Variants in DACH1 observed in about 807,000 individuals in gnomAD.
The protein encoded by DACH1 is dachshund homolog 1.
Under a neutral mutation model 54.2 loss-of-function variants are expected in DACH1, and 12 were observed. That is an observed-to-expected ratio of 0.22 (90% CI 0.14 to 0.36). DACH1 has a LOEUF of 0.36. Ranked by LOEUF, DACH1 falls within the 10% of genes least tolerant of loss-of-function variation. The pLI is 1.00. For synonymous variants in DACH1, 386 were observed against 366.2 expected, an observed-to-expected ratio of 1.05 and a Z score of -0.62; for missense variants, 805 against 929.8, an observed-to-expected ratio of 0.87 and a Z score of 1.75.
Position 71,489,116 on chromosome 13 carries a change from C to A in DACH1, c.1603G>T (p.Asp535Tyr), listed in dbSNP as rs201634316. 6 of 1,613,480 alleles carry A rather than the reference C, an allele frequency of 3.7e-6. No homozygotes were observed. Among genetic ancestry groups the A allele is most frequent in the Non-Finnish European group, 5.1e-6 (6 of 1,179,730 alleles). ...ETPLSTPTAR[D>Y]SLDKLSLTGH... is the part of the protein sequence containing the mutation. ...GTTAGAGAGAGTTTGTCAAGGCTGT[C>A]TCTTGCGGTTGGTGTAGAAAGCGGG... Residue 535 changes from aspartate (D) to tyrosine (Y), a missense_variant, in exon 7 of 11, where the codon GAC (aspartate) becomes TAC (tyrosine). Physicochemically the swap from Asp to Tyr is radical, Grantham distance 160 (BLOSUM62 -3). Around this residue, in one of 3 missense-constraint regions of DACH1, gnomAD observed 472 missense variants for 545.3 expected, o/e 0.87. Transcript: ENST00000613252.
intron 6 of DACH1, among the ~76,000 whole-genome samples, chr13:71,551,566 G>A (rs1444237008): frequency 6.6e-6 from 1 of 151,940 alleles, no homozygotes; most frequent in East Asian, 1.9e-4. Context: ...TCTGTACTTG[G>A]CTTATCTCAC....
chr13:71,483,624 G>C (rs1878247804), intron 7 of DACH1, among the ~76,000 whole-genome samples: 1 of 149,500 alleles, frequency 6.7e-6, no homozygotes, highest in Admixed American at 6.7e-5. Flanking sequence ...AAAATATATT[G>C]AAAAGTAAAG....
intron 6 of DACH1, among the ~76,000 whole-genome samples, chr13:71,491,224 A>G (rs1260528767): frequency 1.3e-5 from 2 of 152,202 alleles, no homozygotes; most frequent in African/African-American, 4.8e-5. Flanking sequence ...CTAAAAACAC[A>G]AACAGAAAGC....
chr13:71,762,723 C>T (rs1024713817), intron 1 of DACH1, among the ~76,000 whole-genome samples: 1 of 132,476 alleles, frequency 7.5e-6, no homozygotes, highest in African/African-American at 2.8e-5. Flanking sequence ...GCTGAGATTG[C>T]GCTGTTGCAC....
intron 2 of DACH1, among the ~76,000 whole-genome samples, chr13:71,640,552 C>T (rs1172952492): frequency 6.6e-6 from 1 of 152,016 alleles, no homozygotes; most frequent in Non-Finnish European, 1.5e-5. Flanking sequence ...ATTGAACTGA[C>T]ATGCCTTGAC....
At chr13:71,751,553 C>T (rs562109684) in intron 1 of DACH1, among the ~76,000 whole-genome samples, 7 of 152,254 alleles carry the variant, frequency 4.6e-5, no homozygotes, top group Non-Finnish European at 7.4e-5. Flanking sequence ...TTACATCTTA[C>T]ATGTTGATTC....
chr13:71,696,234 C>T (rs1881825512), intron 1 of DACH1, among the ~76,000 whole-genome samples: 1 of 152,078 alleles, frequency 6.6e-6, no homozygotes, highest in African/African-American at 2.4e-5. Context: ...TTTAAGAAAT[C>T]ATGAGATCTA....
intron 1 of DACH1, among the ~76,000 whole-genome samples, chr13:71,830,864 C>G (rs1214498811): frequency 2.6e-5 from 4 of 151,866 alleles, no homozygotes; most frequent in Non-Finnish European, 5.9e-5. Context: ...CTGTTTCTCT[C>G]TACTCTAAGT....
At chr13:71,723,844 C>T (rs1268274684) in intron 1 of DACH1, among the ~76,000 whole-genome samples, 1 of 152,066 alleles carries the variant, frequency 6.6e-6, no homozygotes, top group South Asian at 2.1e-4. Context: ...GCAAGTGCCA[C>T]CATACCAAGC....
At chr13:71,503,069 C>T (rs148970806) in intron 6 of DACH1, among the ~76,000 whole-genome samples, 2 of 152,300 alleles carry the variant, frequency 1.3e-5, no homozygotes, top group African/African-American at 4.8e-5. Context: ...TCTCTTGGGA[C>T]AGGCAGCACC....
chr13:71,785,491 T>C (rs1886554358), intron 1 of DACH1, among the ~76,000 whole-genome samples: 1 of 152,232 alleles, frequency 6.6e-6, no homozygotes, highest in Non-Finnish European at 1.5e-5. Flanking sequence ...AGGCAAGGCC[T>C]AGGCTTCCTG....
intron 10 of DACH1, among the ~76,000 whole-genome samples, chr13:71,462,934 T>C (rs1876224559): frequency 6.6e-6 from 1 of 151,482 alleles, no homozygotes; most frequent in Non-Finnish European, 1.5e-5. Flanking sequence ...TGAATACATA[T>C]GCGTGTGTGT....
chr13:71,728,480 A>G (rs939973451), intron 1 of DACH1, among the ~76,000 whole-genome samples: 39 of 152,002 alleles, frequency 2.6e-4, no homozygotes, highest in African/African-American at 7.2e-4. Flanking sequence ...TTCACTTTAC[A>G]AAAACTGTGC....
At chr13:71,544,219 T>A (rs1364306748) in intron 6 of DACH1, among the ~76,000 whole-genome samples, 1 of 152,104 alleles carries the variant, frequency 6.6e-6, no homozygotes, top group African/African-American at 2.4e-5. Context: ...ATGGAAATCT[T>A]CCTGCGTATT....
chr13:71,863,155 T>A (rs1478456618), intron 1 of DACH1, among the ~76,000 whole-genome samples: 1 of 152,072 alleles, frequency 6.6e-6, no homozygotes, highest in Admixed American at 6.5e-5. Flanking sequence ...GCAAAACATT[T>A]CAAAGCTTTC....
intron 1 of DACH1, among the ~76,000 whole-genome samples, chr13:71,802,137 C>T (rs1473889104): frequency 1.3e-5 from 2 of 152,032 alleles, no homozygotes; most frequent in South Asian, 2.1e-4. Flanking sequence ...GAAATCAGCC[C>T]TAATCAAGTG....
chr13:71,779,128 T>TACATATATAC (rs1227611556), intron 1 of DACH1, among the ~76,000 whole-genome samples: 2 of 141,450 alleles, frequency 1.4e-5, no homozygotes, highest in Middle Eastern at 3.4e-3. Flanking sequence ...TACACATATA[T>TACATATATAC]ACATATATAC....
intron 2 of DACH1, among the ~76,000 whole-genome samples, chr13:71,647,599 A>G (rs916363415): frequency 1.4e-4 from 22 of 152,292 alleles, no homozygotes; most frequent in African/African-American, 4.1e-4. Flanking sequence ...ATCATGCCCA[A>G]CCAATCATAG....
chr13:71,779,208 TATATATATAC>T (rs1566494953), intron 1 of DACH1, among the ~76,000 whole-genome samples: 2 of 104,142 alleles, frequency 1.9e-5, no homozygotes, highest in Admixed American at 9.2e-5. Flanking sequence ...TATATATGTG[TATATATATAC>T]GTATATACGT....
Sources: allele counts gnomAD v4.1 joint callset (sites outside exome capture counted in the v4.1 genomes callset), GRCh38; gene constraint gnomAD v4.1.1; regional missense constraint gnomAD v4.1.1; transcripts MANE v1.5; gene names NCBI Gene and HGNC (gene_info 2026-07-23, HGNC 2026-07-21).